Variants in TBC1D22A observed in about 807,000 individuals in gnomAD.
TBC1D22A encodes the protein TBC1 domain family member 22A.
A neutral mutation model predicts 60.2 loss-of-function variants in TBC1D22A; 38 were observed. That is an observed-to-expected ratio of 0.63 (90% CI 0.49 to 0.83). TBC1D22A has a LOEUF of 0.83. Among genes scored for constraint, TBC1D22A ranks in the 40% least tolerant of loss-of-function variants. The probability of loss-of-function intolerance (pLI) is 0.00; values close to 1 mark genes in which losing one functional copy is unlikely to be tolerated. For missense variants in TBC1D22A, 628 were observed against 701.0 expected, an observed-to-expected ratio of 0.90 and a Z score of 1.18; for synonymous variants, 302 against 281.7, an observed-to-expected ratio of 1.07 and a Z score of -0.72.
chr22:47,075,239 G>A (rs8139843), intron 11 of TBC1D22A, among the ~76,000 whole-genome samples: 59,731 of 137,514 alleles, frequency 0.43, 14,027 homozygotes, highest in East Asian at 0.58. Flanking sequence ...AAAAAAAAGA[G>A]AACCAAAGTA....
intron 4 of TBC1D22A, among the ~76,000 whole-genome samples, chr22:46,877,868 G>A (rs2067639356): frequency 6.6e-6 from 1 of 152,224 alleles, no homozygotes; most frequent in Admixed American, 6.5e-5. Flanking sequence ...GGGCATGGGA[G>A]TGAGACACTC....
chr22:46,965,296 G>T (rs1053183257), intron 8 of TBC1D22A, among the ~76,000 whole-genome samples: 1 of 152,228 alleles, frequency 6.6e-6, no homozygotes, highest in African/African-American at 2.4e-5. Context: ...CTGACCTGTG[G>T]GGGCGGGGTG....
intron 10 of TBC1D22A, among the ~76,000 whole-genome samples, chr22:47,029,182 C>T (rs1381313318): frequency 6.7e-6 from 1 of 148,336 alleles, no homozygotes; most frequent in Non-Finnish European, 1.5e-5. Flanking sequence ...CTTCCATACC[C>T]CTCCCCATGG....
intron 4 of TBC1D22A, among the ~76,000 whole-genome samples, chr22:46,803,463 G>C (rs1193580100): frequency 6.6e-6 from 1 of 152,182 alleles, no homozygotes; most frequent in African/African-American, 2.4e-5. Flanking sequence ...GCTGGGGCCC[G>C]GCCCCCAGGA....
chr22:47,109,997 A>G (rs944615311), intron 11 of TBC1D22A, among the ~76,000 whole-genome samples: 1 of 151,628 alleles, frequency 6.6e-6, no homozygotes, highest in African/African-American at 2.4e-5. Context: ...TGAAGCCTGC[A>G]TTTTTCCCTG....
intron 12 of TBC1D22A, among the ~76,000 whole-genome samples, chr22:47,120,485 A>ACT (rs1267212228): frequency 6.6e-6 from 1 of 152,248 alleles, no homozygotes; most frequent in African/African-American, 2.4e-5. Flanking sequence ...GCTCTTGAGA[A>ACT]GAGTAAGCCA....
chr22:46,945,509 C>T (rs948074919), intron 8 of TBC1D22A, among the ~76,000 whole-genome samples: 3 of 152,204 alleles, frequency 2.0e-5, no homozygotes, highest in African/African-American at 7.2e-5. Context: ...CTCAGAGCTA[C>T]TGAGGGTCTG....
At chr22:47,104,099 GT>G (rs2065527237) in intron 11 of TBC1D22A, among the ~76,000 whole-genome samples, 1 of 152,056 alleles carries the variant, frequency 6.6e-6, no homozygotes, top group Non-Finnish European at 1.5e-5. Context: ...GAGGTCAGGA[GT>G]TTGAGACCAG....
chr22:47,098,031 T>G (rs1800432874), intron 11 of TBC1D22A, among the ~76,000 whole-genome samples: 1 of 151,954 alleles, frequency 6.6e-6, no homozygotes, highest in South Asian at 2.1e-4. Context: ...GCTGGCTGCT[T>G]TATTAGATAC....
intron 4 of TBC1D22A, among the ~76,000 whole-genome samples, chr22:46,868,271 C>A (rs1463072350): frequency 6.6e-6 from 1 of 152,148 alleles, no homozygotes; most frequent in Non-Finnish European, 1.5e-5. Context: ...TCACGAGTGG[C>A]TGAGATAGTG....
intron 4 of TBC1D22A, among the ~76,000 whole-genome samples, chr22:46,827,976 T>TAG (rs1183795955): frequency 6.6e-6 from 1 of 152,246 alleles, no homozygotes; most frequent in African/African-American, 2.4e-5. Flanking sequence ...CAAGTGTTGT[T>TAG]AGGCCTGTGC....
intron 11 of TBC1D22A, among the ~76,000 whole-genome samples, chr22:47,090,524 C>G (rs1463629967): frequency 1.3e-5 from 2 of 152,216 alleles, no homozygotes; most frequent in Non-Finnish European, 2.9e-5. Context: ...AAATGAGCAC[C>G]TGTGTCCCCT....
At chr22:47,097,055 C>G (rs1270948296) in intron 11 of TBC1D22A, among the ~76,000 whole-genome samples, 1 of 62,940 alleles carries the variant, frequency 1.6e-5, no homozygotes, top group Admixed American at 2.0e-4. Flanking sequence ...GTGTCCACAT[C>G]AGTATGGGCA....
At chr22:47,115,576 G>A (rs561635989) in intron 12 of TBC1D22A, among the ~76,000 whole-genome samples, 2 of 152,288 alleles carry the variant, frequency 1.3e-5, no homozygotes, top group African/African-American at 4.8e-5. Flanking sequence ...CCTCTACCCC[G>A]TCCTTGCCCT....
At chr22:46,940,390 C>T (rs1032325416) in intron 8 of TBC1D22A, among the ~76,000 whole-genome samples, 205 of 127,342 alleles carry the variant, frequency 1.6e-3, no homozygotes, top group East Asian at 2.5e-3. Flanking sequence ...GTTGGGGCAC[C>T]AGCACACATA....
chr22:46,817,946 T>C (rs1435367712), intron 4 of TBC1D22A, among the ~76,000 whole-genome samples: 2 of 152,284 alleles, frequency 1.3e-5, no homozygotes, highest in South Asian at 2.1e-4. Context: ...TAATAATTGC[T>C]ATTCTGGCTG....
chr22:47,089,563 T>G (rs1603255111), intron 11 of TBC1D22A, among the ~76,000 whole-genome samples: 1 of 152,178 alleles, frequency 6.6e-6, no homozygotes, highest in East Asian at 1.9e-4. Flanking sequence ...CTGGCCTGGG[T>G]GAGCTCGTGT....
intron 12 of TBC1D22A, among the ~76,000 whole-genome samples, chr22:47,148,161 G>A (rs2067354375): frequency 6.6e-6 from 1 of 152,096 alleles, no homozygotes. Context: ...AACCAGCCCC[G>A]AGAGGCCACC....
intron 8 of TBC1D22A, among the ~76,000 whole-genome samples, chr22:46,923,453 C>G (rs1407158066): frequency 6.6e-6 from 1 of 152,254 alleles, no homozygotes; most frequent in Non-Finnish European, 1.5e-5. Flanking sequence ...CATCTCTTGC[C>G]CCGCCCAGGG....
Sources: allele counts gnomAD v4.1 joint callset (sites outside exome capture counted in the v4.1 genomes callset), GRCh38; gene constraint gnomAD v4.1.1; transcripts MANE v1.5; gene names NCBI Gene and HGNC (gene_info 2026-07-23, HGNC 2026-07-21).